The following EFCAB8 variants were observed in gnomAD, a reference collection of about 807,000 sequenced individuals.
EFCAB8 encodes the protein EF-hand calcium-binding domain-containing protein 8.
Under a neutral mutation model 116.3 loss-of-function variants are expected in EFCAB8, and 100 were observed. That is an observed-to-expected ratio of 0.86 (90% CI 0.73 to 1.02). The LOEUF (loss-of-function observed/expected upper bound fraction) is 1.02. EFCAB8 is among the 50% of genes least tolerant of loss of function. The probability of loss-of-function intolerance (pLI) is 0.00; values close to 1 mark genes in which losing one functional copy is unlikely to be tolerated. For missense variants in EFCAB8, 1,320 were observed against 1,416.9 expected (o/e 0.93, Z 1.10); for synonymous variants, 558 against 567.9 (o/e 0.98, Z 0.25).
intron 2 of EFCAB8, among the ~76,000 whole-genome samples, chr20:32,866,908 CTT>C (rs1984447816): frequency 7.0e-6 from 1 of 142,778 alleles, no homozygotes; most frequent in African/African-American, 2.6e-5. Context: ...CTCTCTCTTT[CTT>C]TCTTTCGTTT....
chr20:32,887,392 A>G (rs1253746976), intron 6 of EFCAB8, among the ~76,000 whole-genome samples: 1 of 152,208 alleles, frequency 6.6e-6, no homozygotes, highest in Non-Finnish European at 1.5e-5. Flanking sequence ...ACTGGCCACC[A>G]TGGTGAAACC....
At chr20:32,917,968 A>G (rs1373361007) in intron 18 of EFCAB8, among the ~76,000 whole-genome samples, 1 of 152,222 alleles carries the variant, frequency 6.6e-6, no homozygotes, top group East Asian at 1.9e-4. Flanking sequence ...TTCCAAATGT[A>G]CTGGAGAGAG....
At chr20:32,891,012 C>T (rs562815489) in intron 7 of EFCAB8, among the ~76,000 whole-genome samples, 1 of 152,380 alleles carries the variant, frequency 6.6e-6, no homozygotes, top group East Asian at 1.9e-4. Flanking sequence ...CCCGCCTGGG[C>T]TTTCCACTGC....
At chr20:32,903,694 A>AT (rs1345424465) in intron 11 of EFCAB8, 2 of 152,238 alleles carry the variant, frequency 1.3e-5, no homozygotes, top group African/African-American at 4.8e-5. Flanking sequence ...TGAAGCTTTG[A>AT]TTTTTAGAGG....
Position 32,933,645 on chromosome 20 carries a change from G to A in EFCAB8, c.2790+2309G>A, listed in dbSNP as rs151223622. On this transcript the variant is annotated intron_variant, in intron 22 of 26. Transcript: ENST00000400522. ...CCTTATTCCCCACCCCACCCTCTAAGCCTCTGGTAACCATCATTCTCCTTT... is the reference window on the plus strand; with the variant it reads ...CCTTATTCCCCACCCCACCCTCTAAACCTCTGGTAACCATCATTCTCCTTT... Among the ~76,000 whole-genome samples the A allele has an allele frequency of 8.3e-3, 1,266 of 152,118 alleles. 17 individuals carry two copies. Among genetic ancestry groups the A allele is most frequent in the African/African-American group, 0.028 (1,149 of 41,502 alleles).
chr20:32,896,380 C>T (rs73904070), intron 9 of EFCAB8, 74 bp from the exon 10 acceptor site: 8,398 of 695,894 alleles, frequency 0.012, 360 homozygotes, highest in African/African-American at 0.11. Flanking sequence ...CAACTCAAGA[C>T]GTCTTCTGAG....
chr20:32,922,779 G>GGA (rs539635167), intron 20 of EFCAB8, among the ~76,000 whole-genome samples: 20 of 152,144 alleles, frequency 1.3e-4, no homozygotes, highest in African/African-American at 4.8e-4. Context: ...GGCCCACATG[G>GGA]GAGAGCTGGC....
chr20:32,879,507 A>G (rs1001369260), intron 5 of EFCAB8, among the ~76,000 whole-genome samples: 1 of 152,214 alleles, frequency 6.6e-6, no homozygotes, highest in East Asian at 1.9e-4. Flanking sequence ...AAGCGAAGAC[A>G]GAGTCACAAG....
Position 32,950,927 on chromosome 20 carries a change from C to T in EFCAB8, c.2959+7123C>T, listed in dbSNP as rs59381928. Among the ~76,000 whole-genome samples the T allele has an allele frequency of 5.8e-3, 877 of 152,136 alleles. 4 individuals carry two copies. The highest frequency in any genetic ancestry group is 0.02 in the African/African-American group (835 of 41,494). On this transcript the variant is annotated intron_variant, in intron 23 of 26. Transcript: ENST00000400522. ...GGAACTTAAAGTGGCAGTGTTTGTC[C>T]GAGATGACGGTGCTCCTGCTCTGTC...
chr20:32,872,074 G>C (rs1278861344), intron 3 of EFCAB8, among the ~76,000 whole-genome samples: 1 of 152,170 alleles, frequency 6.6e-6, no homozygotes, highest in African/African-American at 2.4e-5. Context: ...TTTTAGCAAG[G>C]CATGATTTCT....
intron 3 of EFCAB8, among the ~76,000 whole-genome samples, chr20:32,870,526 T>C (rs1984633271): frequency 1.3e-5 from 2 of 152,208 alleles, no homozygotes; most frequent in Admixed American, 1.3e-4. Context: ...AGGGACAGGG[T>C]CTCGCTTGGT....
chr20:32,961,670 T>A lies in EFCAB8; in HGVS notation c.*61T>A. On this transcript the variant is annotated 3_prime_UTR_variant, in exon 27 of 27. Coordinates refer to ENST00000400522, the MANE Select transcript of EFCAB8 (RefSeq NM_001143967.2). Reference sequence around the variant, plus strand: ...CAACCAGGCCCATGGCGGTCCTGCATGTTCTCGGCTTATTCCCTACCAGAC... The same window carrying A: ...CAACCAGGCCCATGGCGGTCCTGCAAGTTCTCGGCTTATTCCCTACCAGAC... 1 of 1,031,338 alleles carries A rather than the reference T, an allele frequency of 9.7e-7. No homozygotes were observed. The highest frequency in any genetic ancestry group is 1.3e-6 in the Non-Finnish European group (1 of 791,396). The allele number at this position is 1,031,338 out of a possible 1,614,324, so 63.9% of individuals were successfully genotyped here.
intron 18 of EFCAB8, among the ~76,000 whole-genome samples, 198 bp downstream of exon 18, chr20:32,917,703 C>CA (rs979835758): frequency 6.6e-6 from 1 of 152,142 alleles, no homozygotes. Flanking sequence ...AATGGAGGCA[C>CA]ACGGAGATGA....
chr20:32,889,857 C>T (rs918486377), intron 7 of EFCAB8, among the ~76,000 whole-genome samples: 2 of 152,082 alleles, frequency 1.3e-5, no homozygotes, highest in Non-Finnish European at 2.9e-5. Flanking sequence ...CAAAAGTTAC[C>T]TGGGAGTGGT....
At chr20:32,948,093 C>A (rs1026611309) in intron 23 of EFCAB8, among the ~76,000 whole-genome samples, 1 of 150,192 alleles carries the variant, frequency 6.7e-6, no homozygotes, top group African/African-American at 2.5e-5. Flanking sequence ...TCCAGCTAGA[C>A]TGGGCAGGAA....
At chr20:32,868,150 C>T (rs1984518718) in intron 3 of EFCAB8, among the ~76,000 whole-genome samples, 1 of 152,014 alleles carries the variant, frequency 6.6e-6, no homozygotes. Context: ...TCTGGGACTA[C>T]TGGGCTCAAG....
intron 11 of EFCAB8, among the ~76,000 whole-genome samples, chr20:32,899,487 TA>T (rs1167926436): frequency 6.6e-6 from 1 of 151,986 alleles, no homozygotes; most frequent in African/African-American, 2.4e-5. Flanking sequence ...GAAAACATTA[TA>T]AAGAAGGTTG....
intron 3 of EFCAB8, among the ~76,000 whole-genome samples, chr20:32,871,006 G>A (rs934892997): frequency 6.6e-6 from 1 of 151,338 alleles, no homozygotes; most frequent in African/African-American, 2.4e-5. Flanking sequence ...CTACAGGCAC[G>A]CACCACTGGC....
chr20:32,938,900 TTTCTC>T lies in EFCAB8; in HGVS notation c.2791-4732_2791-4728del, dbSNP rs1343639093. ...AAATCCCAGCTGCTTTCTCTTCTCT[TTTCTC>T]TTCCCTTTTCTTTTTCTTTTCTTTT... On this transcript the variant is annotated intron_variant, in intron 22 of 26. Coordinates refer to ENST00000400522, the MANE Select transcript of EFCAB8 (RefSeq NM_001143967.2). Among the ~76,000 whole-genome samples, 68 of 149,496 alleles carry T rather than the reference TTTCTC, an allele frequency of 4.5e-4. 3 individuals carry two copies. The highest frequency in any genetic ancestry group is 4.8e-4 in the Non-Finnish European group (32 of 67,238).
Sources: allele counts gnomAD v4.1 joint callset (sites outside exome capture counted in the v4.1 genomes callset), GRCh38; gene constraint gnomAD v4.1.1; transcripts MANE v1.5; gene names NCBI Gene and HGNC (gene_info 2026-07-23, HGNC 2026-07-21).